TRAPPC2: variants seen among roughly 807,000 people sequenced by gnomAD.
TRAPPC2 encodes trafficking protein particle complex subunit 2.
A neutral mutation model predicts 10.0 loss-of-function variants in TRAPPC2; 4 were observed. The ratio of observed to expected loss-of-function variants is 0.40; its 90% CI spans 0.20 to 0.92. The LOEUF (loss-of-function observed/expected upper bound fraction) is 0.92. Ranked by LOEUF, TRAPPC2 falls within the 40% of genes least tolerant of loss-of-function variation. The pLI is 0.35. For synonymous variants in TRAPPC2, 36 were observed against 37.3 expected (o/e 0.97, Z 0.12); for missense variants, 52 against 108.7 (o/e 0.48, Z 2.32).
intron 3 of TRAPPC2, among the ~76,000 whole-genome samples, chrX:13,717,391 T>C (rs981047908): frequency 8.9e-6 from 1 of 112,160 alleles, no homozygotes; most frequent in Non-Finnish European, 1.9e-5. Context: ...CTGACCATAA[T>C]GTGAAGACGG....
At chrX:13,717,062 A>C (rs898951861) in intron 3 of TRAPPC2, among the ~76,000 whole-genome samples, 49 of 83,007 alleles carry the variant, frequency 5.9e-4, no homozygotes, top group African/African-American at 1.4e-3. Context: ...AAAAAAAAAA[A>C]AACAAGATCC....
chrX:13,734,143 C>G lies in TRAPPC2; in HGVS notation c.-119G>C, dbSNP rs965769986. 3.9e-6 allele frequency: 2 copies of G among 509,491 alleles called. No individual in the cohort carries two copies. The highest frequency in any genetic ancestry group is 7.0e-6 in the Non-Finnish European group (2 of 284,106). The allele number at this position is 509,491 out of a possible 1,213,427, so 42.0% of individuals were successfully genotyped here. On this transcript the variant is annotated 5_prime_UTR_variant, in exon 2 of 6. Transcript: ENST00000380579. ...CTTCCAAGAGGACATCTGGCAATATCTGGAGACATCTTTGGTTGTCACACT... is the reference window on the plus strand; with the variant it reads ...CTTCCAAGAGGACATCTGGCAATATGTGGAGACATCTTTGGTTGTCACACT...
At chrX:13,717,470 G>A (rs747125788) in intron 3 of TRAPPC2, among the ~76,000 whole-genome samples, 33 of 111,777 alleles carry the variant, frequency 3.0e-4, no homozygotes, top group Non-Finnish European at 3.8e-4. Context: ...GGCCAGGCGC[G>A]GTGGCTTATG....
chrX:13,716,786 A>C (rs2046295901), intron 3 of TRAPPC2, 108 bp from the exon 4 acceptor site: 2 of 844,820 alleles, frequency 2.4e-6, no homozygotes, highest in Non-Finnish European at 1.7e-6. Context: ...GGGAAAAAAC[A>C]GTTTGCTTTT....
intron 2 of TRAPPC2, among the ~76,000 whole-genome samples, chrX:13,729,102 A>G (rs1343376868): frequency 8.9e-6 from 1 of 111,987 alleles, no homozygotes; most frequent in East Asian, 2.8e-4. Context: ...AAAAGAGGAT[A>G]CAAACAAATG....
At position 13,732,176 on chromosome X, in the gene TRAPPC2, T is replaced by C. The variant is rs149439335; in HGVS notation, c.-20+1868A>G. Reference sequence around the variant, plus strand: ...GATGTCCTCTTCAATAATATTATCATCTTTGGGGAAGGTACTCAGTTCTGG... The same window carrying C: ...GATGTCCTCTTCAATAATATTATCACCTTTGGGGAAGGTACTCAGTTCTGG... On this transcript the variant is annotated intron_variant, in intron 2 of 5. Transcript: ENST00000380579. Among the ~76,000 whole-genome samples, 745 of 111,785 alleles carry C rather than the reference T, an allele frequency of 6.7e-3. 4 individuals are homozygous for C. The highest frequency in any genetic ancestry group is 0.023 in the African/African-American group (713 of 30,768).
At chrX:13,720,731 G>A (rs750904614) in intron 2 of TRAPPC2, 1 of 112,029 alleles carries the variant, frequency 8.9e-6, no homozygotes, top group South Asian at 3.7e-4. Flanking sequence ...TTGGAACTAA[G>A]TTTAACATGT....
rs1156335012 is a variant in TRAPPC2, at chrX:13,712,319, G to A, written c.*2088C>T. 5 of 112,184 alleles carry A rather than the reference G, an allele frequency of 4.5e-5. No homozygotes were observed. Among genetic ancestry groups the A allele is most frequent in the African/African-American group, 1.3e-4 (4 of 30,853 alleles). The allele number at this position is 112,184 out of a possible 1,213,427, so 9.2% of individuals were successfully genotyped here. On this transcript the variant is annotated 3_prime_UTR_variant, in exon 6 of 6. Transcript: ENST00000380579. ...ATTTCACACAAGGATACAAGACAAA[G>A]CTTAGAATTACTTGCTCAAAAGTTA...
At chrX:13,719,084 G>C (rs2046356038) in intron 3 of TRAPPC2, among the ~76,000 whole-genome samples, 1 of 111,321 alleles carries the variant, frequency 9.0e-6, no homozygotes, top group Non-Finnish European at 1.9e-5. Context: ...TTGAACCCAG[G>C]AGGCAGAAGT....
intron 2 of TRAPPC2, among the ~76,000 whole-genome samples, chrX:13,726,983 A>G (rs754490803): frequency 8.9e-6 from 1 of 111,931 alleles, no homozygotes; most frequent in South Asian, 3.7e-4. Context: ...CAGACTTTAA[A>G]CCAACAAAGA....
chrX:13,722,927 G>T (rs939084839), intron 2 of TRAPPC2, among the ~76,000 whole-genome samples: 11 of 110,088 alleles, frequency 1.0e-4, no homozygotes, highest in Admixed American at 2.9e-4. Flanking sequence ...GCCGAGTGTG[G>T]TGGTGGGCAC....
chrX:13,725,857 T>A (rs1173517202), intron 2 of TRAPPC2, among the ~76,000 whole-genome samples: 1 of 111,409 alleles, frequency 9.0e-6, no homozygotes, highest in Non-Finnish European at 1.9e-5. Context: ...GCTAAAAACC[T>A]TGAAAAAAGA....
intron 3 of TRAPPC2, among the ~76,000 whole-genome samples, chrX:13,717,289 G>A (rs1441265254): frequency 1.8e-5 from 2 of 111,404 alleles, no homozygotes; most frequent in African/African-American, 6.5e-5. Context: ...GTGAGCAGTC[G>A]CCTGTGTCAA....
In TRAPPC2 at chrX:13,712,704, A is replaced by T. The variant is rs1954368141; in HGVS notation, c.*1703T>A. On this transcript the variant is annotated 3_prime_UTR_variant, in exon 6 of 6. Coordinates refer to ENST00000380579, the MANE Select transcript of TRAPPC2 (RefSeq NM_001011658.4). ...TAAACATGATTTGGGTTCTCACATT[A>T]TAGCAGGATCACTATTCCTAGCCTC... 1 of 112,076 alleles carries T rather than the reference A, an allele frequency of 8.9e-6. No homozygotes were observed. The highest frequency in any genetic ancestry group is 9.5e-5 in the Admixed American group (1 of 10,542). The allele number at this position is 112,076 out of a possible 1,213,427, so 9.2% of individuals were successfully genotyped here. A position where few individuals can be genotyped will look rare whatever the true frequency, so the allele number is the denominator to read the frequency against.
Position 13,716,030 on chromosome X carries a change from T to C in TRAPPC2, c.298A>G (p.Thr100Ala). The change falls in exon 5 of 6, where the codon ACT (threonine) becomes GCT (alanine). Residue 100 changes from threonine (T) to alanine (A), a missense_variant. By Grantham distance (58) the Thr-to-Ala change is moderately conservative. Transcript: ENST00000380579. The part of the protein sequence containing the change: ...RQEDGIKNFF[T>A]DVYDLYIKFS... ...TTTATATATAAATCATAAACATCAG[T>C]AAAGAAGTTCTTTATTCCATCTTCT... The C allele has an allele frequency of 1.7e-6, 2 of 1,193,197 alleles. No homozygotes were observed. The highest frequency in any genetic ancestry group is 2.3e-6 in the Non-Finnish European group (2 of 882,995).
intron 5 of TRAPPC2, chrX:13,715,669 A>G (rs1482422910): frequency 3.2e-6 from 1 of 312,005 alleles, no homozygotes; most frequent in Non-Finnish European, 4.4e-6. Context: ...ATTTTAGATT[A>G]AATTATGAAG....
chrX:13,716,695 G>A lies in TRAPPC2; in HGVS notation c.94-17C>T. The A allele has an allele frequency of 8.3e-7, 1 of 1,209,085 alleles. No individual in the cohort carries two copies. Among genetic ancestry groups the A allele is most frequent in the Non-Finnish European group, 1.1e-6 (1 of 893,425 alleles). On this transcript the variant is annotated splice_polypyrimidine_tract_variant and intron_variant, in intron 3 of 5. Transcript: ENST00000380579. ...ATGGTCGTCCTAGATGACAGTGTGA[G>A]CAACCACAGATTAACATTTGCATAT...
At chrX:13,732,695 A>G (rs1321276337) in intron 2 of TRAPPC2, among the ~76,000 whole-genome samples, 1 of 112,948 alleles carries the variant, frequency 8.9e-6, no homozygotes, top group East Asian at 2.8e-4. Flanking sequence ...ACTAGAAACT[A>G]AGGGGTGGGT....
rs765121222 is a variant in TRAPPC2, at chrX:13,715,897, T to C, written c.324+107A>G. ...GATAGTTCTGATGGGGGAAAGCTAG[T>C]CTGAAAGGTAAACTGCAGCCTAAGG... On this transcript the variant is annotated intron_variant, in intron 5 of 5. Transcript: ENST00000380579. 8.5e-5 allele frequency: 90 copies of C among 1,057,043 alleles called. No individual in the cohort carries two copies. In the African/African-American group the frequency reaches 1.6e-3, roughly 18 times the overall value. 87.1% of individuals were successfully genotyped at this position (1,057,043 alleles called of 1,213,427 possible).
Sources: gnomAD v4.1 joint callset for allele counts (sites outside exome capture counted in the v4.1 genomes callset) on GRCh38, gnomAD v4.1.1 for gene constraint, MANE v1.5 for transcripts, NCBI Gene and HGNC (gene_info 2026-07-23, HGNC 2026-07-21) for gene names.